RALGAPB: variants seen among roughly 807,000 people sequenced by gnomAD.
RALGAPB encodes the protein ral GTPase-activating protein subunit beta.
A neutral mutation model predicts 161.1 loss-of-function variants in RALGAPB; 25 were observed. That is an observed-to-expected ratio of 0.16 (90% CI 0.11 to 0.22). The LOEUF is 0.22. Among genes scored for constraint, RALGAPB ranks in the 10% least tolerant of loss-of-function variants. The probability of loss-of-function intolerance (pLI) is 1.00; values close to 1 mark genes in which losing one functional copy is unlikely to be tolerated. For synonymous variants in RALGAPB, 629 were observed against 626.1 expected (o/e 1.00, Z -0.07); for missense variants, 1,391 against 1,815.2 (o/e 0.77, Z 4.25).
intron 13 of RALGAPB, among the ~76,000 whole-genome samples, chr20:38,526,306 G>A (rs902251511): frequency 7.3e-5 from 11 of 151,638 alleles, no homozygotes; most frequent in African/African-American, 2.7e-4. Flanking sequence ...TCCACTCTTT[G>A]CCTCTCCTTC....
At chr20:38,550,714 T>C (rs2087346361) in intron 20 of RALGAPB, among the ~76,000 whole-genome samples, 1 of 152,178 alleles carries the variant, frequency 6.6e-6, no homozygotes, top group Non-Finnish European at 1.5e-5. Flanking sequence ...TTTAATTATA[T>C]TGAATGATGT....
chr20:38,501,522 C>T (rs1291742505), intron 5 of RALGAPB, among the ~76,000 whole-genome samples: 1 of 152,178 alleles, frequency 6.6e-6, no homozygotes, highest in Non-Finnish European at 1.5e-5. Context: ...TGTGCCTTAG[C>T]CTCCCGAATA....
At position 38,577,698 on chromosome 20, in the gene RALGAPB, GACAC is replaced by G. The variant is rs56716236; in HGVS notation, c.*2762_*2765del. The G allele has an allele frequency of 5.5e-3, 802 of 146,332 alleles. 5 individuals are homozygous for G. The highest frequency in any genetic ancestry group is 0.016 in the African/African-American group (623 of 39,368). The allele number at this position is 146,332 out of a possible 1,614,324, so 9.1% of individuals were successfully genotyped here. On this transcript the variant is annotated 3_prime_UTR_variant, in exon 30 of 30. Coordinates refer to ENST00000262879, the MANE Select transcript of RALGAPB (RefSeq NM_020336.4). ...ATTGGGCCTTTGAAAGGACTAATCA[GACAC>G]ACACACACACACACACACACACACA...
chr20:38,490,376 T>C (rs2085244448), intron 2 of RALGAPB, among the ~76,000 whole-genome samples: 1 of 150,724 alleles, frequency 6.6e-6, no homozygotes, highest in South Asian at 2.1e-4. Context: ...GCCTGGCTAA[T>C]TTTTTGTATT....
At chr20:38,478,178 G>A (rs1216204717) in intron 1 of RALGAPB, among the ~76,000 whole-genome samples, 1 of 152,192 alleles carries the variant, frequency 6.6e-6, no homozygotes, top group Admixed American at 6.5e-5. Flanking sequence ...ATGGAGTCAG[G>A]ACAAAGGGAA....
intron 12 of RALGAPB, 124 bp from the exon 13 acceptor site, chr20:38,525,771 C>A: frequency 9.9e-7 from 1 of 1,010,646 alleles, no homozygotes; most frequent in Non-Finnish European, 1.5e-6. Flanking sequence ...AGATTCAGCA[C>A]AGTGGCTAAT....
chr20:38,557,933 T>C (rs770723688), intron 22 of RALGAPB, among the ~76,000 whole-genome samples: 5 of 152,226 alleles, frequency 3.3e-5, no homozygotes, highest in Non-Finnish European at 5.9e-5. Context: ...TTTGGCTTTG[T>C]AAGAAACTGC....
chr20:38,504,332 A>G (rs1047515857), intron 5 of RALGAPB, among the ~76,000 whole-genome samples: 2 of 152,240 alleles, frequency 1.3e-5, no homozygotes, highest in African/African-American at 4.8e-5. Flanking sequence ...AGCAATGGGG[A>G]AAGGACTCTC....
chr20:38,528,345 T>A lies in RALGAPB; in HGVS notation c.2050+2303T>A, dbSNP rs992731940. On this transcript the variant is annotated intron_variant, in intron 13 of 29. Coordinates refer to ENST00000262879, the MANE Select transcript of RALGAPB (RefSeq NM_020336.4). Reference sequence around the variant, plus strand: ...AGTTTGACCTTCACATTCATTTTATTTTTATTTATTTATTTATTTATTTAT... The same window carrying A: ...AGTTTGACCTTCACATTCATTTTATATTTATTTATTTATTTATTTATTTAT... 3.7e-4 allele frequency among the ~76,000 whole-genome samples: 54 copies of A among 147,362 alleles called. 1 individual carries two copies. Among genetic ancestry groups the A allele is most frequent in the African/African-American group, 1.0e-3 (41 of 39,894 alleles).
chr20:38,497,016 G>A (rs1048644567), intron 3 of RALGAPB, among the ~76,000 whole-genome samples: 1 of 152,122 alleles, frequency 6.6e-6, no homozygotes, highest in Non-Finnish European at 1.5e-5. Context: ...GTATTTACTT[G>A]TTCATTCAAC....
chr20:38,506,396 T>C (rs548778471), intron 5 of RALGAPB, among the ~76,000 whole-genome samples: 218 of 152,192 alleles, frequency 1.4e-3, no homozygotes, highest in African/African-American at 5.0e-3. Context: ...TAGGCTCAAG[T>C]GATCCTCCTG....
chr20:38,570,676 C>A, intron 27 of RALGAPB, 93 bp from the exon 28 acceptor site: 1 of 752,350 alleles, frequency 1.3e-6, no homozygotes, highest in Non-Finnish European at 2.3e-6. Context: ...ATTTGCCACT[C>A]ACTTATGTAA....
intron 28 of RALGAPB, among the ~76,000 whole-genome samples, chr20:38,572,800 G>A (rs866608115): frequency 8.6e-5 from 13 of 151,994 alleles, no homozygotes; most frequent in African/African-American, 1.2e-4. Flanking sequence ...AAACAACATC[G>A]CAATAATAAA....
rs73611724 is a variant in RALGAPB at position 38,576,096 on chromosome 20, T to G, written c.*1129T>G. The G allele has an allele frequency of 2.0e-5, 3 of 152,572 alleles. No individual in the cohort carries two copies. In the East Asian group the frequency reaches 5.8e-4, roughly 29 times the overall value. 9.5% of individuals were successfully genotyped at this position (152,572 alleles called of 1,614,324 possible). A position where few individuals can be genotyped will look rare whatever the true frequency, so the allele number is the denominator to read the frequency against. On this transcript the variant is annotated 3_prime_UTR_variant, in exon 30 of 30. Coordinates refer to ENST00000262879, the MANE Select transcript of RALGAPB (RefSeq NM_020336.4). Reference sequence around the variant, plus strand: ...GATCCCTGCCAGGTTTTGGAAATACTTCTATTACCTCGCTGCTACTTTTCT... The same window carrying G: ...GATCCCTGCCAGGTTTTGGAAATACGTCTATTACCTCGCTGCTACTTTTCT...
intron 21 of RALGAPB, among the ~76,000 whole-genome samples, chr20:38,552,401 C>G (rs1157961621): frequency 1.3e-5 from 2 of 152,160 alleles, no homozygotes; most frequent in African/African-American, 2.4e-5. Flanking sequence ...TTTGCCTCCC[C>G]TCAAAGTGCT....
intron 24 of RALGAPB, among the ~76,000 whole-genome samples, chr20:38,565,044 C>T (rs1441650273): frequency 6.6e-6 from 1 of 151,698 alleles, no homozygotes; most frequent in African/African-American, 2.4e-5. Context: ...GGATGGTCTT[C>T]CTTTTGATTA....
At position 38,509,192 on chromosome 20, in the gene RALGAPB, T is replaced by G. The variant is rs766365030; in HGVS notation, c.856T>G (p.Phe286Val). 3 of 1,613,668 alleles carry G rather than the reference T, an allele frequency of 1.9e-6. 1 individual carries two copies. The South Asian group carries it at 3.3e-5, about 18-fold the overall frequency. ...GTGTGTTGCACAGACATGGTTTCGCTTTTTACACATGTTAAGGTATTGTTA... is the reference window on the plus strand; with the variant it reads ...GTGTGTTGCACAGACATGGTTTCGCGTTTTACACATGTTAAGGTATTGTTA... Reference protein sequence around the residue: ...NECVAQTWFRFLHMLSNPVDL... With the variant: ...NECVAQTWFRVLHMLSNPVDL... Residue 286 changes from phenylalanine to valine, a missense_variant, in exon 6 of 30, where the codon TTT becomes GTT. Physicochemically the swap from Phe to Val is conservative, Grantham distance 50 (BLOSUM62 -1). This residue lies in a region of RALGAPB where 946 missense variants were observed against 1,257.2 expected (regional missense o/e 0.75). Coordinates refer to ENST00000262879, the MANE Select transcript of RALGAPB (RefSeq NM_020336.4).
At chr20:38,541,289 G>C in intron 18 of RALGAPB, 97 bp downstream of exon 18, 1 of 1,196,614 alleles carries the variant, frequency 8.4e-7, no homozygotes, top group Non-Finnish European at 1.1e-6. Context: ...TCAGCATTGC[G>C]TGATGCAGCC....
intron 21 of RALGAPB, among the ~76,000 whole-genome samples, chr20:38,553,088 G>A (rs1242730707): frequency 6.6e-6 from 1 of 152,112 alleles, no homozygotes; most frequent in Non-Finnish European, 1.5e-5. Flanking sequence ...GGAAGTGAAG[G>A]GATAGGAGTT....
Sources: allele counts gnomAD v4.1 joint callset (sites outside exome capture counted in the v4.1 genomes callset), GRCh38; gene constraint gnomAD v4.1.1; regional missense constraint gnomAD v4.1.1; transcripts MANE v1.5; gene names NCBI Gene and HGNC (gene_info 2026-07-23, HGNC 2026-07-21).